PRDM11: variants seen among roughly 807,000 people sequenced by gnomAD.
The protein encoded by PRDM11 is PR/SET domain 11, also known as PR domain-containing protein 11.
Under a neutral mutation model 97.8 loss-of-function variants are expected in PRDM11, and 20 were observed. The ratio of observed to expected loss-of-function variants is 0.20; its 90% CI spans 0.14 to 0.30. PRDM11 has a LOEUF of 0.30. Among genes scored for constraint, PRDM11 ranks in the 10% least tolerant of loss-of-function variants. The probability of loss-of-function intolerance (pLI) is 1.00; values close to 1 mark genes in which losing one functional copy is unlikely to be tolerated. For missense variants in PRDM11, 1,139 were observed against 1,555.2 expected, an observed-to-expected ratio of 0.73 and a Z score of 4.50; for synonymous variants, 599 against 637.7, an observed-to-expected ratio of 0.94 and a Z score of 0.91.
chr11:45,095,878 C>T, exon 1 of PRDM11: 1 of 780,984 alleles, frequency 1.3e-6, no homozygotes, highest in East Asian at 2.4e-5. Flanking sequence ...ATGCTCACCT[C>T]TCTTCCTTTA....
At position 45,224,421 on chromosome 11, in the gene PRDM11, C is replaced by A; in HGVS notation, c.947C>A (p.Ala316Glu). The change falls in exon 7 of 8, where the codon GCG (alanine) becomes GAG (glutamate). Residue 316 changes from alanine to glutamate, a missense_variant. Physicochemically the swap from Ala to Glu is moderately radical, Grantham distance 107 (BLOSUM62 -1). Around this residue, in one of 2 missense-constraint regions of PRDM11, gnomAD observed 429 missense variants for 510.3 expected, o/e 0.84. Transcript: ENST00000683152. ...GTTCTGGAGGCCTCACTGGAATCTG[C>A]GAAGGTGGAAGCCCACCAGTTGGCC... ...KDVLEASLES[A>E]KVEAHQLALS... 6.2e-7 allele frequency: 1 copy of A among 1,614,150 alleles called. No individual in the cohort carries two copies. Among genetic ancestry groups the A allele is most frequent in the Non-Finnish European group, 8.5e-7 (1 of 1,180,016 alleles).
intron 1 of PRDM11, among the ~76,000 whole-genome samples, chr11:45,159,656 G>A (rs1851884441): frequency 6.6e-6 from 1 of 152,182 alleles, no homozygotes; most frequent in Admixed American, 6.5e-5. Flanking sequence ...GTCAGGGTCT[G>A]GCCAGGGCTC....
chr11:45,136,968 C>T (rs1852863975), intron 1 of PRDM11, among the ~76,000 whole-genome samples: 4 of 148,240 alleles, frequency 2.7e-5, no homozygotes, highest in Admixed American at 6.7e-5. Flanking sequence ...CATGGTGAAA[C>T]CCCTATCTCT....
In PRDM11 at chr11:45,227,075, A is replaced by G; in HGVS notation, c.2450A>G (p.Glu817Gly). Residue 817 changes from glutamate to glycine, a missense_variant, in exon 8 of 8, where the codon GAG becomes GGG. This residue lies in a region of PRDM11 where 710 missense variants were observed against 1,044.9 expected (regional missense o/e 0.68). Transcript: ENST00000683152. This position sits in a 1 kb window ranked among gnomAD's most constrained non-coding sequence, Gnocchi z 8.0. Reference sequence around the variant, plus strand: ...GCGGCCACCCTTTGTGAGGAGACAGAGTTCCTGGGCGATATCCGGGCAGTG... The same window carrying G: ...GCGGCCACCCTTTGTGAGGAGACAGGGTTCCTGGGCGATATCCGGGCAGTG... ...STAATLCEET[E>G]FLGDIRAVRW... 1 of 1,533,934 alleles carries G rather than the reference A, an allele frequency of 6.5e-7. No individual in the cohort carries two copies. The highest frequency in any genetic ancestry group is 8.7e-7 in the Non-Finnish European group (1 of 1,146,722).
chr11:45,133,477 A>T (rs957592904), intron 1 of PRDM11, among the ~76,000 whole-genome samples: 6 of 152,268 alleles, frequency 3.9e-5, no homozygotes, highest in African/African-American at 1.4e-4. Flanking sequence ...AGGTGGGAAG[A>T]TGGATAAAGA....
chr11:45,205,955 C>G (rs1369182238), intron 5 of PRDM11, among the ~76,000 whole-genome samples: 2 of 152,164 alleles, frequency 1.3e-5, no homozygotes, highest in Non-Finnish European at 2.9e-5. Flanking sequence ...CAGCGGGCCC[C>G]CTGCCTTGCA....
intron 1 of PRDM11, among the ~76,000 whole-genome samples, chr11:45,128,445 G>C (rs563530253): frequency 1.3e-5 from 2 of 152,102 alleles, no homozygotes; most frequent in Non-Finnish European, 2.9e-5. Flanking sequence ...CGTCGCTCAC[G>C]CTGGAAGCTG....
intron 5 of PRDM11, among the ~76,000 whole-genome samples, chr11:45,214,980 C>A (rs1386380753): frequency 6.6e-6 from 1 of 152,242 alleles, no homozygotes; most frequent in Non-Finnish European, 1.5e-5. Flanking sequence ...AGTTATATTT[C>A]ATTTCTCTGC....
intron 1 of PRDM11, among the ~76,000 whole-genome samples, chr11:45,150,973 G>A (rs1851645029): frequency 6.6e-6 from 1 of 152,212 alleles, no homozygotes; most frequent in Admixed American, 6.5e-5. Context: ...TAATGGTGTG[G>A]CCAGGATTAG....
At chr11:45,159,859 C>T (rs1340075689) in intron 1 of PRDM11, among the ~76,000 whole-genome samples, 1 of 152,178 alleles carries the variant, frequency 6.6e-6, no homozygotes, top group African/African-American at 2.4e-5. Flanking sequence ...CCTGAAGCAT[C>T]CCTGAAGCTG....
At chr11:45,212,662 C>A in intron 5 of PRDM11, 1 of 456,258 alleles carries the variant, frequency 2.2e-6, no homozygotes, top group South Asian at 1.5e-5. Flanking sequence ...AGGCTGCCTG[C>A]AGGACCCCTC....
rs1451851951 is a variant in PRDM11, at chr11:45,181,779, A to T, written c.13A>T (p.Met5Leu). ...GTCCCAGGACAGAATGACCGAGAAC[A>T]TGAAGGAGTGCTTGGCCCAGACCAA... MTEN[M>L]KECLAQTNAA... is the part of the protein sequence containing the mutation. The change falls in exon 2 of 8, where the codon ATG becomes TTG. Residue 5 changes from methionine (M) to leucine (L), a missense_variant. By Grantham distance (15) the Met-to-Leu change is conservative. Around this residue, in one of 2 missense-constraint regions of PRDM11, gnomAD observed 429 missense variants for 510.3 expected, o/e 0.84. Coordinates refer to ENST00000683152, the MANE Select transcript of PRDM11 (RefSeq NM_001384648.1). 6.2e-7 allele frequency: 1 copy of T among 1,613,286 alleles called. No individual in the cohort carries two copies. Among genetic ancestry groups the T allele is most frequent in the East Asian group, 2.2e-5 (1 of 44,868 alleles).
intron 1 of PRDM11, among the ~76,000 whole-genome samples, chr11:45,106,922 G>T (rs1216754812): frequency 6.6e-6 from 1 of 152,236 alleles, no homozygotes; most frequent in African/African-American, 2.4e-5. Flanking sequence ...ATTGAGCACT[G>T]AGTGAAAAAG....
At chr11:45,134,891 T>TTTGCAAA (rs1852807416) in intron 1 of PRDM11, among the ~76,000 whole-genome samples, 1 of 152,114 alleles carries the variant, frequency 6.6e-6, no homozygotes, top group African/African-American at 2.4e-5. Context: ...GTTTTCCATG[T>TTTGCAAA]TTGCAAATTA....
chr11:45,107,342 A>C (rs1425074683), intron 1 of PRDM11, among the ~76,000 whole-genome samples: 1 of 152,208 alleles, frequency 6.6e-6, no homozygotes, highest in African/African-American at 2.4e-5. Flanking sequence ...GGCTAATTAT[A>C]GTTCAATGAG....
intron 4 of PRDM11, among the ~76,000 whole-genome samples, chr11:45,186,518 A>G (rs1852710579): frequency 6.6e-6 from 1 of 152,184 alleles, no homozygotes; most frequent in South Asian, 2.1e-4. Flanking sequence ...CCTTTGGAAT[A>G]TGAGTTTGAG....
At position 45,219,505 on chromosome 11, in the gene PRDM11, C is replaced by T. The variant is rs764870202; in HGVS notation, c.555-65C>T. The T allele has an allele frequency of 2.4e-5, 35 of 1,461,298 alleles. No individual in the cohort carries two copies. Among genetic ancestry groups the T allele is most frequent in the Admixed American group, 2.2e-4 (12 of 53,344 alleles). 90.5% of individuals were successfully genotyped at this position (1,461,298 alleles called of 1,614,324 possible). ...CATCCACACTTGCCCAGCACTGTGC[C>T]GGCACCAGCGGGCACTCAACAAAGG... is the stretch of plus-strand genomic sequence containing the variant. On this transcript the variant is annotated intron_variant, in intron 5 of 7. Transcript: ENST00000683152. The surrounding 1 kb of genome is among the most constrained non-coding windows in gnomAD (Gnocchi z 4.2).
At chr11:45,200,369 C>T (rs1418698770) in intron 4 of PRDM11, among the ~76,000 whole-genome samples, 1 of 152,212 alleles carries the variant, frequency 6.6e-6, no homozygotes, top group African/African-American at 2.4e-5. Flanking sequence ...TATTTGAACT[C>T]TTAATAATCC....
chr11:45,131,857 G>T (rs76041305), intron 1 of PRDM11, among the ~76,000 whole-genome samples: 30 of 152,196 alleles, frequency 2.0e-4, no homozygotes, highest in Middle Eastern at 3.4e-3. Context: ...GCAATTTCAG[G>T]GTTGGCTAAT....
Sources: allele counts gnomAD v4.1 joint callset (sites outside exome capture counted in the v4.1 genomes callset), GRCh38; gene constraint gnomAD v4.1.1; regional missense constraint gnomAD v4.1.1; non-coding constraint Gnocchi (gnomAD v3.1); transcripts MANE v1.5; gene names NCBI Gene and HGNC (gene_info 2026-07-23, HGNC 2026-07-21).